BACE1: variants seen among roughly 807,000 people sequenced by gnomAD.
BACE1 encodes APP beta-secretase.
In BACE1, 21 loss-of-function variants were observed where a neutral mutation model predicts 54.0. The observed-to-expected ratio is 0.39, with a 90% CI of 0.28 to 0.56. BACE1 has a LOEUF of 0.56. BACE1 is among the 20% of genes least tolerant of loss of function. The pLI is 0.63. For synonymous variants in BACE1, 232 were observed against 260.9 expected, an observed-to-expected ratio of 0.89 and a Z score of 1.07; for missense variants, 511 against 661.2, an observed-to-expected ratio of 0.77 and a Z score of 2.49.
chr11:117,313,365 T>A (rs947325638), intron 1 of BACE1, among the ~76,000 whole-genome samples: 5 of 152,232 alleles, frequency 3.3e-5, no homozygotes, highest in African/African-American at 1.2e-4. Flanking sequence ...TGCTAAGTAC[T>A]GGGCTGCAGG....
At position 117,293,453 on chromosome 11, in the gene BACE1, G is replaced by T; in HGVS notation, c.706-265C>A. ...ATATAAAGTTATTTAAATCTAAACTGCCACAATAAATGTTGAATGAATGGT... is the reference window on the plus strand; with the variant it reads ...ATATAAAGTTATTTAAATCTAAACTTCCACAATAAATGTTGAATGAATGGT... On this transcript the variant is annotated intron_variant, in intron 4 of 8. Coordinates refer to ENST00000313005, the MANE Select transcript of BACE1 (RefSeq NM_012104.6). The surrounding 1 kb of genome is among the most constrained non-coding windows in gnomAD (Gnocchi z 4.1). 3.1e-6 allele frequency: 1 copy of T among 326,862 alleles called. No homozygotes were observed. The highest frequency in any genetic ancestry group is 5.5e-6 in the Non-Finnish European group (1 of 183,210). 20.2% of individuals were successfully genotyped at this position (326,862 alleles called of 1,614,324 possible).
rs2034518613 is a variant in BACE1, at chr11:117,293,672, A to G, written c.705+199T>C. The G allele has an allele frequency of 8.3e-6, 4 of 480,120 alleles. No individual in the cohort carries two copies. Among genetic ancestry groups the G allele is most frequent in the Non-Finnish European group, 1.3e-5 (4 of 300,908 alleles). The allele number at this position is 480,120 out of a possible 1,614,324, so 29.7% of individuals were successfully genotyped here. A position where few individuals can be genotyped will look rare whatever the true frequency, so the allele number is the denominator to read the frequency against. On this transcript the variant is annotated intron_variant, in intron 4 of 8. Transcript: ENST00000313005. This position sits in a 1 kb window ranked among gnomAD's most constrained non-coding sequence, Gnocchi z 4.1. ...AATTGCCTTCCTTTCCAAGTTTACC[A>G]TAGGTGCCTTGATTCCTTTCTGGAA...
intron 1 of BACE1, among the ~76,000 whole-genome samples, chr11:117,314,075 T>G (rs2035016066): frequency 6.6e-6 from 1 of 152,144 alleles, no homozygotes; most frequent in Non-Finnish European, 1.5e-5. Context: ...TCAAAGCTTG[T>G]GTGGGTTCTG....
Position 117,315,680 on chromosome 11 carries a change from A to G in BACE1, c.116T>C (p.Leu39Pro). ...GGTCTCCCGGGGCAGCCGCAGCCCC[A>G]GGGGGGCGCCCCCCAGGCCGCTGCG... ...PLRSGLGGAP[L>P]GLRLPRETDE... is the part of the protein sequence containing the mutation. Residue 39 changes from leucine (L) to proline (P), a missense_variant, in exon 1 of 9, where the codon CTG becomes CCG. Leu to Pro is a moderately conservative substitution (Grantham distance 98). Transcript: ENST00000313005. The surrounding 1 kb of genome is among the most constrained non-coding windows in gnomAD (Gnocchi z 5.5). The G allele has an allele frequency of 6.5e-7, 1 of 1,528,712 alleles. No individual in the cohort carries two copies. Among genetic ancestry groups the G allele is most frequent in the Non-Finnish European group, 8.8e-7 (1 of 1,140,244 alleles). 94.7% of individuals were successfully genotyped at this position (1,528,712 alleles called of 1,614,324 possible). A position where few individuals can be genotyped will look rare whatever the true frequency, so the allele number is the denominator to read the frequency against.
rs756186102 is a variant in BACE1 at position 117,296,913 on chromosome 11, C to T, written c.310G>A (p.Ala104Thr). ...TAGCGATGCAGGAAGGGGTGGGGGGCAGCACCCACTGCAAAGTTACTGCTG... is the reference window on the plus strand; with the variant it reads ...TAGCGATGCAGGAAGGGGTGGGGGGTAGCACCCACTGCAAAGTTACTGCTG... ...TGSSNFAVGA[A>T]PHPFLHRYYQ... Residue 104 changes from alanine to threonine, a missense_variant, in exon 2 of 9, where the codon GCC (alanine) becomes ACC (threonine). By Grantham distance (58) the Ala-to-Thr change is moderately conservative. Around this residue, in one of 2 missense-constraint regions of BACE1, gnomAD observed 407 missense variants for 565.7 expected, o/e 0.72. Coordinates refer to ENST00000313005, the MANE Select transcript of BACE1 (RefSeq NM_012104.6). 2 of 1,613,756 alleles carry T rather than the reference C, an allele frequency of 1.2e-6. No homozygotes were observed. The highest frequency in any genetic ancestry group is 2.2e-5 in the East Asian group (1 of 44,866).
At position 117,313,296 on chromosome 11, in the gene BACE1, A is replaced by G. The variant is rs28917247; in HGVS notation, c.261+2239T>C. Among the ~76,000 whole-genome samples the G allele has an allele frequency of 1.6e-3, 239 of 152,324 alleles. 1 individual carries two copies. Among genetic ancestry groups the G allele is most frequent in the African/African-American group, 5.7e-3 (235 of 41,558 alleles). ...TGGACTGGTGTTGAACTTTAAGCCC[A>G]CTTTCCTCTTCTAGAAAGGAACGAG... On this transcript the variant is annotated intron_variant, in intron 1 of 8. Coordinates refer to ENST00000313005, the MANE Select transcript of BACE1 (RefSeq NM_012104.6).
chr11:117,311,360 T>C (rs1039392737), intron 1 of BACE1, among the ~76,000 whole-genome samples: 1 of 152,152 alleles, frequency 6.6e-6, no homozygotes. Context: ...ATACAAGTAC[T>C]ATAAGCCATC....
At chr11:117,309,333 C>A (rs1245187919) in intron 1 of BACE1, among the ~76,000 whole-genome samples, 1 of 152,206 alleles carries the variant, frequency 6.6e-6, no homozygotes, top group African/African-American at 2.4e-5. Context: ...GAATAAAACC[C>A]AAAGTCCTGT....
Position 117,286,105 on chromosome 11 carries a change from G to C in BACE1, c.*3461C>G, listed in dbSNP as rs1183048736. The C allele has an allele frequency of 6.6e-6, 1 of 152,642 alleles. No homozygotes were observed. The highest frequency in any genetic ancestry group is 1.5e-5 in the Non-Finnish European group (1 of 68,046). 9.5% of individuals were successfully genotyped at this position (152,642 alleles called of 1,614,324 possible). A position where few individuals can be genotyped will look rare whatever the true frequency, so the allele number is the denominator to read the frequency against. ...CTCCAGACAGGCACTGGGGTGAGGA[G>C]ATGTCTGTGCAAAATTACTTGTAGA... On this transcript the variant is annotated 3_prime_UTR_variant, in exon 9 of 9. Transcript: ENST00000313005.
chr11:117,292,747 A>G (rs576024620), intron 5 of BACE1: 1 of 239,268 alleles, frequency 4.2e-6, no homozygotes, highest in African/African-American at 2.3e-5. Flanking sequence ...GACTCCAAAG[A>G]CAAGACTCTT....
rs536462778 is a variant in BACE1 at position 117,295,480 on chromosome 11, A to T, written c.351-133T>A. 3.9e-6 allele frequency: 6 copies of T among 1,537,282 alleles called. No homozygotes were observed. In the African/African-American group the frequency reaches 8.2e-5, roughly 21 times the overall value. ...GAGTCTGCTTTCAGGCTGCTCAGCA[A>T]AACATCCCTAGACTCACCACCCAGA... is the stretch of plus-strand genomic sequence containing the variant. On this transcript the variant is annotated intron_variant, in intron 2 of 8. Coordinates refer to ENST00000313005, the MANE Select transcript of BACE1 (RefSeq NM_012104.6).
Position 117,315,651 on chromosome 11 carries a change from C to T in BACE1, c.145G>A (p.Glu49Lys). The part of the protein sequence containing the change: ...LGLRLPRETD[E>K]EPEEPGRRGS... ...CTCCGGCCGGGCTCCTCGGGCTCTT[C>T]GTCGGTCTCCCGGGGCAGCCGCAGC... Residue 49 changes from glutamate to lysine, a missense_variant, in exon 1 of 9, where the codon GAA becomes AAA. Glu to Lys is a moderately conservative substitution (Grantham distance 56). Coordinates refer to ENST00000313005, the MANE Select transcript of BACE1 (RefSeq NM_012104.6). This position sits in a 1 kb window ranked among gnomAD's most constrained non-coding sequence, Gnocchi z 5.5. The T allele has an allele frequency of 1.3e-6, 2 of 1,574,998 alleles. No homozygotes were observed. The highest frequency in any genetic ancestry group is 8.6e-7 in the Non-Finnish European group (1 of 1,163,050).
At chr11:117,308,093 TAG>T (rs1348004191) in intron 1 of BACE1, among the ~76,000 whole-genome samples, 1 of 152,060 alleles carries the variant, frequency 6.6e-6, no homozygotes, top group Non-Finnish European at 1.5e-5. Context: ...GGCGGGGATC[TAG>T]AGTGTTGACT....
At chr11:117,308,913 C>T (rs1167104034) in intron 1 of BACE1, among the ~76,000 whole-genome samples, 1 of 152,110 alleles carries the variant, frequency 6.6e-6, no homozygotes, top group Non-Finnish European at 1.5e-5. Context: ...GATCGCGCCA[C>T]TGCACTCCAG....
In BACE1 at chr11:117,297,013, C is replaced by T. The variant is rs368709428; in HGVS notation, c.262-52G>A. ...CAGTATAGACAGGAGGCTTCGGTCA[C>T]ACCACCTTTATTATCCCTCACGCCC... On this transcript the variant is annotated intron_variant, in intron 1 of 8. Coordinates refer to ENST00000313005, the MANE Select transcript of BACE1 (RefSeq NM_012104.6). 1.5e-5 allele frequency: 20 copies of T among 1,365,794 alleles called. No homozygotes were observed. In the African/African-American group the frequency reaches 2.6e-4, roughly 18 times the overall value. The allele number at this position is 1,365,794 out of a possible 1,614,324, so 84.6% of individuals were successfully genotyped here.
chr11:117,296,434 G>A (rs1318487546), intron 2 of BACE1, among the ~76,000 whole-genome samples: 2 of 152,184 alleles, frequency 1.3e-5, no homozygotes, highest in African/African-American at 4.8e-5. Context: ...GCCACCTAGA[G>A]TGGCCCCTGG....
intron 1 of BACE1, among the ~76,000 whole-genome samples, chr11:117,307,033 TC>T (rs1217790445): frequency 6.6e-6 from 1 of 151,864 alleles, no homozygotes; most frequent in Non-Finnish European, 1.5e-5. Context: ...CACGTCAGAA[TC>T]CCCCCAGTTC....
intron 1 of BACE1, among the ~76,000 whole-genome samples, chr11:117,306,527 G>A (rs2034835925): frequency 6.6e-6 from 1 of 152,142 alleles, no homozygotes; most frequent in Non-Finnish European, 1.5e-5. Context: ...AAGTGGTAGG[G>A]CCAGGCACAG....
In BACE1 at chr11:117,295,262, C is replaced by G; in HGVS notation, c.436G>C (p.Val146Leu). Residue 146 changes from valine (V) to leucine (L), a missense_variant, in exon 3 of 9, where the codon GTA becomes CTA. Coordinates refer to ENST00000313005, the MANE Select transcript of BACE1 (RefSeq NM_012104.6). ...ACGTTGGGGCCATGGGGGATGCTTA[C>G]CAGGTCGGTGCCCAGCTCCCCTTCC... ...KWEGELGTDLVSIPHGPNVTV... is the reference protein window; with the variant it reads ...KWEGELGTDLLSIPHGPNVTV... The G allele has an allele frequency of 1.2e-6, 2 of 1,614,082 alleles. No homozygotes were observed. Among genetic ancestry groups the G allele is most frequent in the East Asian group, 2.2e-5 (1 of 44,890 alleles).
Sources: gnomAD v4.1 joint callset for allele counts (sites outside exome capture counted in the v4.1 genomes callset) on GRCh38, gnomAD v4.1.1 for gene constraint, gnomAD v4.1.1 regional missense constraint, Gnocchi (gnomAD v3.1) non-coding constraint, MANE v1.5 for transcripts, NCBI Gene and HGNC (gene_info 2026-07-23, HGNC 2026-07-21) for gene names.